The following MAGI2 variants were observed in gnomAD, a reference collection of about 807,000 sequenced individuals.
MAGI2 encodes membrane associated guanylate kinase, WW and PDZ domain containing 2.
In MAGI2, 35 loss-of-function variants were observed where a neutral mutation model predicts 133.3. The ratio of observed to expected loss-of-function variants is 0.26; its 90% CI spans 0.20 to 0.35. MAGI2 has a LOEUF of 0.35. MAGI2 is among the 10% of genes least tolerant of loss of function. The pLI is 1.00. For synonymous variants in MAGI2, 729 were observed against 710.6 expected, an observed-to-expected ratio of 1.03 and a Z score of -0.41; for missense variants, 1,636 against 1,863.4, an observed-to-expected ratio of 0.88 and a Z score of 2.25.
chr7:79,273,467 C>T (rs1835021432), intron 1 of MAGI2, among the ~76,000 whole-genome samples: 1 of 151,986 alleles, frequency 6.6e-6, no homozygotes, highest in Non-Finnish European at 1.5e-5. Flanking sequence ...GTTTCTCTTG[C>T]TCTTGGGGGT....
At chr7:78,284,831 AACACTGTTATGTTTGAGCTAATGACCAGG>A (rs1272455466) in intron 9 of MAGI2, among the ~76,000 whole-genome samples, 2 of 152,242 alleles carry the variant, frequency 1.3e-5, no homozygotes, top group South Asian at 2.1e-4. Context: ...CCTCCCCCAA[AACACTGTTATGTTTGAGCTAATGACCAGG>A]AATTTCTCTG....
At chr7:78,567,446 CTT>C (rs895737802) in intron 3 of MAGI2, among the ~76,000 whole-genome samples, 7 of 151,900 alleles carry the variant, frequency 4.6e-5, no homozygotes, top group Non-Finnish European at 1.0e-4. Flanking sequence ...AAATGAGTGA[CTT>C]TTTTTCTCTC....
At chr7:78,589,537 T>C (rs1803770947) in intron 3 of MAGI2, among the ~76,000 whole-genome samples, 1 of 152,216 alleles carries the variant, frequency 6.6e-6, no homozygotes. Context: ...CTGATGGTCA[T>C]ATTAAGATAA....
chr7:78,888,557 C>T (rs915867435), intron 2 of MAGI2, among the ~76,000 whole-genome samples: 12 of 152,192 alleles, frequency 7.9e-5, no homozygotes, highest in African/African-American at 2.9e-4. Flanking sequence ...CAGACAGCAA[C>T]ATTTGCTGTT....
Position 78,521,490 on chromosome 7 carries a change from G to C in MAGI2, c.694C>G (p.Pro232Ala). 6.2e-7 allele frequency: 1 copy of C among 1,613,954 alleles called. No homozygotes were observed. Among genetic ancestry groups the C allele is most frequent in the Non-Finnish European group, 8.5e-7 (1 of 1,179,976 alleles). The stretch of plus-strand genomic sequence containing the variant: ...GGCCTCTCTTCCTCTTCCTCCTCAG[G>C]AGGCTCTATACTGGCTTTCTCCATG... ...SNMEKASIEP[P>A]EEEEEERPVV... Residue 232 changes from proline (P) to alanine (A), a missense_variant, in exon 4 of 22, where the codon CCT (proline) becomes GCT (alanine). Transcript: ENST00000354212.
intron 2 of MAGI2, among the ~76,000 whole-genome samples, chr7:78,887,568 A>T (rs998247869): frequency 1.3e-5 from 2 of 152,216 alleles, no homozygotes; most frequent in African/African-American, 4.8e-5. Context: ...TGGCTATATC[A>T]TCGTAGGTGG....
intron 2 of MAGI2, among the ~76,000 whole-genome samples, chr7:78,644,637 T>A (rs922188994): frequency 1.2e-4 from 18 of 152,150 alleles, no homozygotes; most frequent in African/African-American, 4.3e-4. Flanking sequence ...ATTAGTGGGA[T>A]GTTGCTAAAG....
chr7:79,143,152 TA>T (rs1822290336), intron 1 of MAGI2, among the ~76,000 whole-genome samples: 2 of 152,218 alleles, frequency 1.3e-5, no homozygotes. Context: ...TTAATCAGTA[TA>T]CATAGTTTTC....
intron 1 of MAGI2, among the ~76,000 whole-genome samples, chr7:79,061,524 C>G (rs57343472): frequency 9.9e-5 from 15 of 151,806 alleles, no homozygotes; most frequent in Non-Finnish European, 1.9e-4. Context: ...TAAATAAGGA[C>G]CCGCTCAGGC....
chr7:78,946,918 C>T (rs543269903), intron 2 of MAGI2: 1 of 152,200 alleles, frequency 6.6e-6, no homozygotes, highest in East Asian at 1.9e-4. Context: ...TAGGTGAAAA[C>T]ACATCGTCCA....
intron 9 of MAGI2, among the ~76,000 whole-genome samples, chr7:78,310,343 G>C (rs183044868): frequency 1.3e-5 from 2 of 152,160 alleles, no homozygotes; most frequent in African/African-American, 4.8e-5. Context: ...GCTGAGGCAG[G>C]AGAATCACTT....
At chr7:78,669,159 T>C (rs944009387) in intron 2 of MAGI2, among the ~76,000 whole-genome samples, 20 of 151,746 alleles carry the variant, frequency 1.3e-4, no homozygotes, top group Non-Finnish European at 2.2e-4. Context: ...ATCAACAAAA[T>C]TGATAGACCG....
chr7:78,885,135 C>A (rs1482951651), intron 2 of MAGI2, among the ~76,000 whole-genome samples: 1 of 152,060 alleles, frequency 6.6e-6, no homozygotes, highest in Non-Finnish European at 1.5e-5. Flanking sequence ...ATAGGAACAA[C>A]ACACACTGGG....
intron 9 of MAGI2, among the ~76,000 whole-genome samples, chr7:78,273,153 CAGCATTTGCTTGTCTG>C (rs1476067901): frequency 2.6e-5 from 4 of 152,184 alleles, no homozygotes; most frequent in African/African-American, 9.6e-5. Context: ...CAAAATCTCT[CAGCATTTGCTTGTCTG>C]TAAAGGATCT....
intron 1 of MAGI2, among the ~76,000 whole-genome samples, chr7:79,028,236 T>C (rs1451237680): frequency 8.0e-5 from 1 of 12,564 alleles, no homozygotes; most frequent in South Asian, 2.0e-3. Flanking sequence ...TATATGTATG[T>C]ATATATATAT....
At chr7:78,314,519 C>T (rs1584839091) in intron 9 of MAGI2, among the ~76,000 whole-genome samples, 1 of 152,142 alleles carries the variant, frequency 6.6e-6, no homozygotes, top group South Asian at 2.1e-4. Flanking sequence ...ACAAACTGCC[C>T]ACATCCTAGC....
intron 21 of MAGI2, among the ~76,000 whole-genome samples, chr7:78,045,838 C>T (rs1443072690): frequency 6.6e-6 from 1 of 152,150 alleles, no homozygotes; most frequent in Non-Finnish European, 1.5e-5. Context: ...CATTTCATCT[C>T]CATTCTCTGT....
In MAGI2 at chr7:78,498,892, G is replaced by C. The variant is rs554812824; in HGVS notation, c.965+2685C>G. Among the ~76,000 whole-genome samples the C allele has an allele frequency of 1.1e-4, 17 of 152,142 alleles. No individual in the cohort carries two copies. In the East Asian group the frequency reaches 3.3e-3, roughly 29 times the overall value. ...ACAGTCACTTCCACCATGACTCCAG[G>C]CTCCTTCTTTCACCTTAGTCTCCCT... On this transcript the variant is annotated intron_variant, in intron 5 of 21. Coordinates refer to ENST00000354212, the MANE Select transcript of MAGI2 (RefSeq NM_012301.4).
intron 6 of MAGI2, among the ~76,000 whole-genome samples, chr7:78,473,687 C>T (rs202083511): frequency 7.4e-5 from 1 of 13,592 alleles, no homozygotes; most frequent in Non-Finnish European, 9.8e-5. Flanking sequence ...CACAGACACA[C>T]CTGACATACA....
Sources: allele counts gnomAD v4.1 joint callset (sites outside exome capture counted in the v4.1 genomes callset), GRCh38; gene constraint gnomAD v4.1.1; transcripts MANE v1.5; gene names NCBI Gene and HGNC (gene_info 2026-07-23, HGNC 2026-07-21).